Variants in CSMD1 observed in about 807,000 individuals in gnomAD.
CSMD1 encodes the protein CUB and sushi domain-containing protein 1.
A neutral mutation model predicts 417.5 loss-of-function variants in CSMD1; 213 were observed. The ratio of observed to expected loss-of-function variants is 0.51; its 90% CI spans 0.46 to 0.57. The LOEUF (loss-of-function observed/expected upper bound fraction) is 0.57. Among genes scored for constraint, CSMD1 ranks in the 20% least tolerant of loss-of-function variants. CSMD1 has a pLI of 0.00. For synonymous variants in CSMD1, 2,862 were observed against 1,736.8 expected, an observed-to-expected ratio of 1.65 and a Z score of -16.11; for missense variants, 6,923 against 4,529.7, an observed-to-expected ratio of 1.53 and a Z score of -15.17.
chr8:3,485,636 G>T (rs370983303), intron 11 of CSMD1, among the ~76,000 whole-genome samples: 1 of 151,574 alleles, frequency 6.6e-6, no homozygotes, highest in Non-Finnish European at 1.5e-5. Flanking sequence ...GGCGCATGCT[G>T]GTTATCCCAG....
intron 49 of CSMD1, among the ~76,000 whole-genome samples, chr8:3,072,602 C>G (rs1813395657): frequency 6.6e-6 from 1 of 152,180 alleles, no homozygotes; most frequent in South Asian, 2.1e-4. Flanking sequence ...AATTAAAGAG[C>G]TGTTGGAACA....
intron 1 of CSMD1, among the ~76,000 whole-genome samples, chr8:4,654,104 C>T (rs1460431709): frequency 6.6e-6 from 1 of 152,094 alleles, no homozygotes; most frequent in Non-Finnish European, 1.5e-5. Flanking sequence ...CGGTGCAAAC[C>T]AGGGCCGATG....
At chr8:3,112,696 G>A (rs1816592144) in intron 42 of CSMD1, among the ~76,000 whole-genome samples, 1 of 152,154 alleles carries the variant, frequency 6.6e-6, no homozygotes. Flanking sequence ...TTTGTAAAAA[G>A]CTTATTGAAT....
chr8:4,067,143 C>G (rs1249835662), intron 3 of CSMD1, among the ~76,000 whole-genome samples: 2 of 152,142 alleles, frequency 1.3e-5, no homozygotes, highest in African/African-American at 2.4e-5. Flanking sequence ...CATGCAAAAC[C>G]AAAGGGAAAG....
intron 1 of CSMD1, among the ~76,000 whole-genome samples, chr8:4,662,355 G>A (rs1804659625): frequency 1.3e-5 from 2 of 152,286 alleles, no homozygotes; most frequent in Non-Finnish European, 2.9e-5. Flanking sequence ...GCGATTTATA[G>A]GAACATGCAT....
intron 5 of CSMD1, among the ~76,000 whole-genome samples, chr8:3,833,716 T>C (rs1802501069): frequency 6.6e-6 from 1 of 152,166 alleles, no homozygotes; most frequent in South Asian, 2.1e-4. Context: ...TACATATATA[T>C]AAGGTCTATG....
At chr8:3,705,487 T>A (rs1801117155) in intron 7 of CSMD1, among the ~76,000 whole-genome samples, 1 of 152,178 alleles carries the variant, frequency 6.6e-6, no homozygotes, top group African/African-American at 2.4e-5. Context: ...AGTGAACAGA[T>A]AATTCCCTGG....
intron 9 of CSMD1, among the ~76,000 whole-genome samples, chr8:3,582,694 GA>G (rs1343390087): frequency 1.3e-5 from 2 of 151,964 alleles, no homozygotes; most frequent in African/African-American, 2.4e-5. Flanking sequence ...AACAAAGTAT[GA>G]AAAAAAGAAA....
At chr8:4,029,455 G>C (rs1376056974) in intron 4 of CSMD1, among the ~76,000 whole-genome samples, 3 of 152,146 alleles carry the variant, frequency 2.0e-5, no homozygotes, top group Non-Finnish European at 4.4e-5. Context: ...GGCAAAGTCA[G>C]CCTGTGCAGA....
At chr8:4,772,542 T>G (rs930418741) in intron 1 of CSMD1, among the ~76,000 whole-genome samples, 1 of 152,184 alleles carries the variant, frequency 6.6e-6, no homozygotes, top group Non-Finnish European at 1.5e-5. Context: ...GAGAAAAGTT[T>G]TTAGCAGTCA....
intron 12 of CSMD1, among the ~76,000 whole-genome samples, chr8:3,464,579 AATAT>A (rs1222913702): frequency 6.7e-6 from 1 of 149,844 alleles, no homozygotes; most frequent in African/African-American, 2.4e-5. Flanking sequence ...ATGATTTATA[AATAT>A]ATAAATAAAT....
chr8:3,410,441 A>G (rs1812613692), intron 12 of CSMD1, among the ~76,000 whole-genome samples: 1 of 152,070 alleles, frequency 6.6e-6, no homozygotes, highest in African/African-American at 2.4e-5. Flanking sequence ...GAGGTAATTG[A>G]TCATGGGGGC....
rs193231366 is a variant in CSMD1, at chr8:4,599,144, T to C, written c.302+38198A>G. On this transcript the variant is annotated intron_variant, in intron 2 of 69. Transcript: ENST00000635120. ...CCTTCCAGACTAAGGTATTAAAAAA[T>C]CCAACGTACTGTATCTGTAGGGAGA... is the stretch of plus-strand genomic sequence containing the variant. Among the ~76,000 whole-genome samples, 428 of 152,230 alleles carry C rather than the reference T, an allele frequency of 2.8e-3. 1 individual carries two copies. Among genetic ancestry groups the C allele is most frequent in the Non-Finnish European group, 4.3e-3 (291 of 68,008 alleles).
intron 4 of CSMD1, among the ~76,000 whole-genome samples, chr8:4,017,381 C>A (rs527523069): frequency 2.0e-5 from 3 of 152,158 alleles, no homozygotes; most frequent in African/African-American, 7.2e-5. Flanking sequence ...TCTTGGCTCA[C>A]TACAACCTCC....
In CSMD1 at chr8:4,304,881, CTT is replaced by C. The variant is rs1378515358; in HGVS notation, c.415+115070_415+115071del. 2.0e-5 allele frequency among the ~76,000 whole-genome samples: 3 copies of C among 152,292 alleles called. No homozygotes were observed. In the East Asian group the frequency reaches 5.8e-4, roughly 29 times the overall value. ...CCTTAATCATTTCACAAAATATACT[CTT>C]AATCTATCAAAATATATATTAAGGT... On this transcript the variant is annotated intron_variant, in intron 3 of 69. Transcript: ENST00000635120.
chr8:3,927,261 T>C (rs990355091), intron 5 of CSMD1, among the ~76,000 whole-genome samples: 1 of 152,028 alleles, frequency 6.6e-6, no homozygotes, highest in East Asian at 1.9e-4. Context: ...AATAAATATA[T>C]AGCAGACATA....
chr8:3,746,337 G>A (rs1041859157), intron 6 of CSMD1, among the ~76,000 whole-genome samples: 1 of 152,192 alleles, frequency 6.6e-6, no homozygotes, highest in Non-Finnish European at 1.5e-5. Flanking sequence ...ACCAGTCACT[G>A]CCAAGTATTA....
intron 4 of CSMD1, among the ~76,000 whole-genome samples, chr8:3,999,732 G>A (rs961506010): frequency 1.3e-5 from 2 of 152,124 alleles, no homozygotes; most frequent in Non-Finnish European, 2.9e-5. Context: ...CTTTAGAATG[G>A]ACGTCTTTGA....
At chr8:3,388,183 T>C (rs1811129863) in intron 17 of CSMD1, among the ~76,000 whole-genome samples, 1 of 152,230 alleles carries the variant, frequency 6.6e-6, no homozygotes, top group African/African-American at 2.4e-5. Context: ...GTGCTAGTGT[T>C]ATTTTTCTAA....
Sources: allele counts gnomAD v4.1 joint callset (sites outside exome capture counted in the v4.1 genomes callset), GRCh38; gene constraint gnomAD v4.1.1; transcripts MANE v1.5; gene names NCBI Gene and HGNC (gene_info 2026-07-23, HGNC 2026-07-21).